PTDSS1: variants seen among roughly 807,000 people sequenced by gnomAD.
PTDSS1 encodes the protein phosphatidylserine synthase 1.
In PTDSS1, 45 loss-of-function variants were observed where a neutral mutation model predicts 70.5. The observed-to-expected ratio is 0.64, with a 90% confidence interval of 0.50 to 0.82. The LOEUF (loss-of-function observed/expected upper bound fraction) is 0.82, where lower values mean the gene tolerates loss of function less well. PTDSS1 is among the 40% of genes least tolerant of loss of function. The probability of loss-of-function intolerance (pLI) is 0.00; values close to 1 mark genes in which losing one functional copy is unlikely to be tolerated. For synonymous variants in PTDSS1, 188 were observed against 203.8 expected (o/e 0.92, Z 0.66); for missense variants, 417 against 586.1 (o/e 0.71, Z 2.98).
At chr8:96,270,389 G>T (rs565952850) in intron 1 of PTDSS1, among the ~76,000 whole-genome samples, 1 of 152,230 alleles carries the variant, frequency 6.6e-6, no homozygotes, top group Admixed American at 6.5e-5. Flanking sequence ...ATTATTCGGG[G>T]TTCAGAGAGG....
At chr8:96,302,099 G>A (rs947139407) in intron 6 of PTDSS1, among the ~76,000 whole-genome samples, 7 of 151,954 alleles carry the variant, frequency 4.6e-5, no homozygotes, top group African/African-American at 1.7e-4. Flanking sequence ...ACTCACTGCA[G>A]TCTCCACTTC....
chr8:96,331,971 G>A (rs575771740), intron 12 of PTDSS1, among the ~76,000 whole-genome samples: 1 of 128,122 alleles, frequency 7.8e-6, no homozygotes, highest in East Asian at 2.5e-4. Context: ...GGTCACTTGA[G>A]CCCAGGATCA....
intron 7 of PTDSS1, among the ~76,000 whole-genome samples, chr8:96,306,066 G>C (rs1474451469): frequency 1.3e-5 from 2 of 152,208 alleles, no homozygotes; most frequent in African/African-American, 4.8e-5. Context: ...AGGCAGCATA[G>C]GTGTTCTGTG....
chr8:96,317,241 C>G (rs1811307800), intron 9 of PTDSS1, among the ~76,000 whole-genome samples: 1 of 151,878 alleles, frequency 6.6e-6, no homozygotes, highest in African/African-American at 2.4e-5. Context: ...CTGGCCCTTC[C>G]TTGTGCCTTT....
intron 1 of PTDSS1, among the ~76,000 whole-genome samples, chr8:96,271,854 TG>T (rs1318120604): frequency 6.6e-6 from 1 of 152,210 alleles, no homozygotes; most frequent in Non-Finnish European, 1.5e-5. Context: ...TCATATCCTT[TG>T]CCCGTTTTTC....
In PTDSS1 at chr8:96,284,093, T is replaced by C; in HGVS notation, c.272-16T>C. On this transcript the variant is annotated splice_polypyrimidine_tract_variant and intron_variant, in intron 2 of 12. Coordinates refer to ENST00000517309, the MANE Select transcript of PTDSS1 (RefSeq NM_014754.3). ...AAACCAGTTCCTTCTAACTTTATAA[T>C]GTTATTTATCTGCAGGTCCGTTCAC... The C allele has an allele frequency of 6.2e-7, 1 of 1,600,040 alleles. No individual in the cohort carries two copies. Among genetic ancestry groups the C allele is most frequent in the South Asian group, 1.1e-5 (1 of 89,956 alleles).
intron 11 of PTDSS1, chr8:96,330,550 T>C: frequency 2.1e-6 from 1 of 468,310 alleles, no homozygotes; most frequent in East Asian, 4.0e-5. Context: ...AAAAGAAAAG[T>C]GATGGGAAAG....
chr8:96,279,904 T>C (rs1394576673), intron 2 of PTDSS1, among the ~76,000 whole-genome samples: 1 of 152,104 alleles, frequency 6.6e-6, no homozygotes, highest in Non-Finnish European at 1.5e-5. Context: ...TTTTTCACCT[T>C]CTCAAATTTT....
Position 96,306,631 on chromosome 8 carries a change from G to A in PTDSS1, c.1007+75G>A, listed in dbSNP as rs747484108. ...GATTGTCCTGTTTAGCATAAGGAAA[G>A]TCATATAAACTAGCAGATTTTCCAT... On this transcript the variant is annotated intron_variant, in intron 8 of 12. Transcript: ENST00000517309. 1.3e-4 allele frequency: 152 copies of A among 1,173,066 alleles called. 1 individual carries two copies. Among genetic ancestry groups the A allele is most frequent in the Non-Finnish European group, 1.9e-4 (149 of 797,764 alleles). The allele number at this position is 1,173,066 out of a possible 1,614,324, so 72.7% of individuals were successfully genotyped here.
rs779958014 is a variant in PTDSS1, at chr8:96,273,279, T to A, written c.180-20T>A. Reference sequence around the variant, plus strand: ...TTTGGATCTGAAAGTAAATGCTCAATGTTGTTTTTCTATTTTCAGGGATGA... The same window carrying A: ...TTTGGATCTGAAAGTAAATGCTCAAAGTTGTTTTTCTATTTTCAGGGATGA... On this transcript the variant is annotated intron_variant, in intron 1 of 12. Coordinates refer to ENST00000517309, the MANE Select transcript of PTDSS1 (RefSeq NM_014754.3). 3 of 1,545,998 alleles carry A rather than the reference T, an allele frequency of 1.9e-6. No individual in the cohort carries two copies. In the Admixed American group the frequency reaches 5.8e-5, roughly 30 times the overall value.
rs771182241 is a variant in PTDSS1 at position 96,287,186 on chromosome 8, CTCTT to C, written c.441+45_441+48del. 1.2e-5 allele frequency: 20 copies of C among 1,607,992 alleles called. No individual in the cohort carries two copies. The East Asian group carries it at 2.9e-4, about 23-fold the overall frequency. Reference sequence around the variant, plus strand: ...GTGGCCTCTTGGAGAAACTCGTAGACTCTTTCTTGGGTGTAAGAGGTAATAGACT... The same window carrying C: ...GTGGCCTCTTGGAGAAACTCGTAGACTCTTGGGTGTAAGAGGTAATAGACT... On this transcript the variant is annotated intron_variant, in intron 4 of 12. Coordinates refer to ENST00000517309, the MANE Select transcript of PTDSS1 (RefSeq NM_014754.3).
intron 10 of PTDSS1, 29 bp from the exon 11 acceptor site, chr8:96,330,184 G>A: frequency 1.3e-6 from 2 of 1,588,476 alleles, no homozygotes; most frequent in Non-Finnish European, 1.7e-6. Context: ...GAACTTTTTT[G>A]TGCAGCATCA....
At chr8:96,291,355 A>G (rs1810900380) in intron 4 of PTDSS1, among the ~76,000 whole-genome samples, 1 of 152,066 alleles carries the variant, frequency 6.6e-6, no homozygotes, top group African/African-American at 2.4e-5. Flanking sequence ...TGTCAGTATT[A>G]TTGACACAGG....
intron 10 of PTDSS1, among the ~76,000 whole-genome samples, chr8:96,328,025 A>T (rs1811462368): frequency 1.3e-5 from 2 of 152,190 alleles, no homozygotes; most frequent in Non-Finnish European, 2.9e-5. Context: ...GGCAATCACA[A>T]CAGACCCTTT....
chr8:96,279,430 T>TCACCATCTTCTAAA (rs1166633624), intron 2 of PTDSS1, among the ~76,000 whole-genome samples: 1 of 151,144 alleles, frequency 6.6e-6, no homozygotes, highest in Non-Finnish European at 1.5e-5. Flanking sequence ...TTAGAAGTGG[T>TCACCATCTTCTAAA]CCAAAAGGTC....
intron 5 of PTDSS1, among the ~76,000 whole-genome samples, chr8:96,296,112 G>A (rs112418217): frequency 7.0e-5 from 10 of 142,684 alleles, no homozygotes; most frequent in African/African-American, 1.8e-4. Context: ...CCCTGTGCGT[G>A]TCTGAGCCTT....
rs1234945496 is a variant in PTDSS1 at position 96,335,149 on chromosome 8, T to C, written c.*1583T>C. Reference sequence around the variant, plus strand: ...TGTGATGAGCCTCAGCTCCGAGCTCTCAAATGTCCTCCAGCCAGCATCTGC... The same window carrying C: ...TGTGATGAGCCTCAGCTCCGAGCTCCCAAATGTCCTCCAGCCAGCATCTGC... On this transcript the variant is annotated 3_prime_UTR_variant, in exon 13 of 13. Transcript: ENST00000517309. 1 of 152,184 alleles carries C rather than the reference T, an allele frequency of 6.6e-6. No individual in the cohort carries two copies. Among genetic ancestry groups the C allele is most frequent in the Non-Finnish European group, 1.5e-5 (1 of 68,028 alleles). 9.4% of individuals were successfully genotyped at this position (152,184 alleles called of 1,614,324 possible).
intron 2 of PTDSS1, among the ~76,000 whole-genome samples, chr8:96,273,981 G>A (rs1047033912): frequency 6.6e-6 from 1 of 152,160 alleles, no homozygotes; most frequent in African/African-American, 2.4e-5. Flanking sequence ...TAAAAAGTAA[G>A]TTTGGTGTTC....
chr8:96,288,140 A>C (rs1454087057), intron 4 of PTDSS1, among the ~76,000 whole-genome samples: 1 of 152,240 alleles, frequency 6.6e-6, no homozygotes, highest in Middle Eastern at 3.4e-3. Context: ...AAAGGACATG[A>C]TAAAGGATAC....
Sources: gnomAD v4.1 joint callset for allele counts (sites outside exome capture counted in the v4.1 genomes callset) on GRCh38, gnomAD v4.1.1 for gene constraint, MANE v1.5 for transcripts, NCBI Gene and HGNC (gene_info 2026-07-23, HGNC 2026-07-21) for gene names.